Variants in RGS3 observed in about 807,000 individuals in gnomAD.
RGS3 encodes regulator of G-protein signalling 3.
In RGS3, 80 loss-of-function variants were observed where a neutral mutation model predicts 132.6. That is an observed-to-expected ratio of 0.60 (90% CI 0.50 to 0.73). RGS3 has a LOEUF of 0.73. Ranked by LOEUF, RGS3 falls within the 30% of genes least tolerant of loss-of-function variation. The probability of loss-of-function intolerance (pLI) is 0.00; values close to 1 mark genes in which losing one functional copy is unlikely to be tolerated. For synonymous variants in RGS3, 598 were observed against 620.6 expected, an observed-to-expected ratio of 0.96 and a Z score of 0.54; for missense variants, 1,382 against 1,530.8, an observed-to-expected ratio of 0.90 and a Z score of 1.62.
intron 7 of RGS3, among the ~76,000 whole-genome samples, chr9:113,492,822 A>G (rs1830561995): frequency 6.6e-6 from 1 of 152,208 alleles, no homozygotes; most frequent in Non-Finnish European, 1.5e-5. Flanking sequence ...CTGCTTATGG[A>G]CATTAATTGT....
Position 113,565,917 on chromosome 9 carries a change from C to G in RGS3, c.2038-17533C>G, listed in dbSNP as rs944344. 0.57 allele frequency among the ~76,000 whole-genome samples: 73,120 copies of G among 127,264 alleles called. 20,039 individuals carry two copies. Among genetic ancestry groups the G allele is most frequent in the Middle Eastern group, 0.76 (186 of 246 alleles). The allele number at this position is 127,264 out of a possible 152,430, so 83.5% of individuals were successfully genotyped here. A position where few individuals can be genotyped will look rare whatever the true frequency, so the allele number is the denominator to read the frequency against. On this transcript the variant is annotated intron_variant, in intron 19 of 24. Transcript: ENST00000350696. This position sits in a 1 kb window ranked among gnomAD's most constrained non-coding sequence, Gnocchi z 5.7. The stretch of plus-strand genomic sequence containing the variant: ...TGTGTGTGTGTGTGTGTGTGTGTGT[C>G]TGTCTGTCTGTCTGTCTCAGGGGCT...
At chr9:113,488,213 T>C (rs1321149495) in intron 7 of RGS3, among the ~76,000 whole-genome samples, 1 of 152,160 alleles carries the variant, frequency 6.6e-6, no homozygotes, top group East Asian at 1.9e-4. Context: ...GGGTAACTCC[T>C]GGGCGGCTGG....
chr9:113,517,082 G>A (rs1831708982), intron 15 of RGS3, among the ~76,000 whole-genome samples: 1 of 152,202 alleles, frequency 6.6e-6, no homozygotes, highest in Non-Finnish European at 1.5e-5. Context: ...TGAGTGCAGA[G>A]CAGGGACTGG....
intron 19 of RGS3, among the ~76,000 whole-genome samples, chr9:113,576,337 C>CTTT (rs558156232): frequency 0.065 from 9,226 of 142,334 alleles, 431 homozygotes; most frequent in Non-Finnish European, 0.094. Flanking sequence ...ATTGTTCTTT[C>CTTT]TTTTTTTTTT....
rs557484546 is a variant in RGS3 at position 113,447,319 on chromosome 9, G to GTA, written c.-13+2394_-13+2395dup. 8.1e-3 allele frequency among the ~76,000 whole-genome samples: 177 copies of GTA among 21,778 alleles called. 5 individuals are homozygous for GTA. The highest frequency in any genetic ancestry group is 0.019 in the Non-Finnish European group (138 of 7,118). 14.3% of individuals were successfully genotyped at this position (21,778 alleles called of 152,430 possible). ...AGGGTGTAAACCAATAAATTCTGAT[G>GTA]TATGTATATGTATATATATATATAT... On this transcript the variant is annotated intron_variant, in intron 1 of 25. Transcript: ENST00000374140.
At position 113,463,583 on chromosome 9, in the gene RGS3, C is replaced by A; in HGVS notation, c.415+1382C>A. The A allele has an allele frequency of 1.1e-6, 1 of 869,638 alleles. No individual in the cohort carries two copies. Among genetic ancestry groups the A allele is most frequent in the Non-Finnish European group, 1.6e-6 (1 of 640,748 alleles). 53.9% of individuals were successfully genotyped at this position (869,638 alleles called of 1,614,324 possible). On this transcript the variant is annotated intron_variant, in intron 3 of 24. Transcript: ENST00000350696. The surrounding 1 kb of genome is among the most constrained non-coding windows in gnomAD (Gnocchi z 4.6). ...GCTGCTCAGCGCGGGTCGGCGGCGC[C>A]GCCTCCCCCACCCCGGCCCAGCTCT...
chr9:113,503,733 C>T (rs555042091), intron 10 of RGS3, among the ~76,000 whole-genome samples: 2 of 152,276 alleles, frequency 1.3e-5, no homozygotes, highest in Non-Finnish European at 2.9e-5. Flanking sequence ...GGCTTTGGGA[C>T]CCCAGCTTGT....
rs113300151 is a variant in RGS3 at position 113,537,913 on chromosome 9, A to G, written c.2037+995A>G. Among the ~76,000 whole-genome samples the G allele has an allele frequency of 5.1e-4, 77 of 152,296 alleles. No individual in the cohort carries two copies. The highest frequency in any genetic ancestry group is 1.1e-3 in the Non-Finnish European group (74 of 68,018). ...CCAGCTATTCCCGAAAGGAGTGAGGATCTGAGAATTACATCATCTTAGCTG... is the reference window on the plus strand; with the variant it reads ...CCAGCTATTCCCGAAAGGAGTGAGGGTCTGAGAATTACATCATCTTAGCTG... On this transcript the variant is annotated intron_variant, in intron 19 of 24. Transcript: ENST00000350696. The surrounding 1 kb of genome is among the most constrained non-coding windows in gnomAD (Gnocchi z 4.3).
At chr9:113,534,085 C>T (rs1832582239) in intron 18 of RGS3, among the ~76,000 whole-genome samples, 1 of 152,322 alleles carries the variant, frequency 6.6e-6, no homozygotes, top group Admixed American at 6.5e-5. Context: ...GAAGTGCCCC[C>T]ACTCTGAAGG....
At chr9:113,533,561 CA>C (rs1832562076) in intron 18 of RGS3, among the ~76,000 whole-genome samples, 1 of 152,172 alleles carries the variant, frequency 6.6e-6, no homozygotes, top group African/African-American at 2.4e-5. Context: ...GATAATCAGA[CA>C]AAAGGAATTA....
At position 113,466,972 on chromosome 9, in the gene RGS3, AT is replaced by A. The variant is rs902875169; in HGVS notation, c.415+4782del. 4.0e-3 allele frequency among the ~76,000 whole-genome samples: 580 copies of A among 146,702 alleles called. 2 individuals carry two copies. The highest frequency in any genetic ancestry group is 0.013 in the African/African-American group (510 of 40,188). ...GGACATTTCATATAAATGGAATCGTATTTTTTTTTTTATGACTGACTTCTTT... is the reference window on the plus strand; with the variant it reads ...GGACATTTCATATAAATGGAATCGTATTTTTTTTTTATGACTGACTTCTTT... On this transcript the variant is annotated intron_variant, in intron 3 of 24. Coordinates refer to ENST00000350696, the Ensembl canonical transcript of RGS3.
At chr9:113,584,196 C>T in exon 20 of RGS3, 1 of 1,614,124 alleles carries the variant, frequency 6.2e-7, no homozygotes, top group Non-Finnish European at 8.5e-7. Flanking sequence ...CTGAGGGTGG[C>T]CTCTCACTGC....
At chr9:113,534,914 C>G (rs756345959) in intron 18 of RGS3, among the ~76,000 whole-genome samples, 1 of 151,934 alleles carries the variant, frequency 6.6e-6, no homozygotes, top group African/African-American at 2.4e-5. Flanking sequence ...CTGTGACCAG[C>G]CTAAAATATT....
At chr9:113,587,984 C>CTGGGATCAG (rs1835207633) in intron 20 of RGS3, among the ~76,000 whole-genome samples, 1 of 152,212 alleles carries the variant, frequency 6.6e-6, no homozygotes, top group African/African-American at 2.4e-5. Flanking sequence ...TCAAGGAAGC[C>CTGGGATCAG]CCGGAGAATA....
intron 3 of RGS3, 147 bp downstream of exon 1, chr9:113,464,028 T>A: frequency 1.2e-6 from 1 of 819,890 alleles, no homozygotes; most frequent in Non-Finnish European, 1.9e-6. Flanking sequence ...CTCCTGTGAC[T>A]GCCCAGGAGG....
At chr9:113,526,921 C>A (rs1316085169) in intron 17 of RGS3, among the ~76,000 whole-genome samples, 2 of 152,234 alleles carry the variant, frequency 1.3e-5, no homozygotes, top group African/African-American at 4.8e-5. Flanking sequence ...GGCAGAATTT[C>A]TCTCCTGGGT....
chr9:113,473,767 G>A (rs980903141), intron 3 of RGS3, among the ~76,000 whole-genome samples: 3 of 152,168 alleles, frequency 2.0e-5, no homozygotes, highest in African/African-American at 7.2e-5. Context: ...CGGAGTTATT[G>A]TGAGGAGTAA....
At chr9:113,553,453 AAAAAAAATAT>A (rs1188934717) in intron 19 of RGS3, among the ~76,000 whole-genome samples, 61 of 104,554 alleles carry the variant, frequency 5.8e-4, no homozygotes, top group African/African-American at 2.2e-3. Context: ...AAAAAAAAAA[AAAAAAAATAT>A]ATATATATAT....
intron 19 of RGS3, among the ~76,000 whole-genome samples, chr9:113,578,447 T>C (rs576361283): frequency 2.0e-5 from 3 of 152,316 alleles, no homozygotes; most frequent in African/African-American, 7.2e-5. Context: ...GTGAAGTTAG[T>C]ATCTGGAGCT....
Sources: gnomAD v4.1 joint callset for allele counts (sites outside exome capture counted in the v4.1 genomes callset) on GRCh38, gnomAD v4.1.1 for gene constraint, Gnocchi (gnomAD v3.1) non-coding constraint, MANE v1.5 for transcripts, NCBI Gene and HGNC (gene_info 2026-07-23, HGNC 2026-07-21) for gene names.